CACNA1C: variants seen among roughly 807,000 people sequenced by gnomAD.
CACNA1C encodes the protein calcium voltage-gated channel subunit alpha1 C, also known as voltage-dependent L-type calcium channel subunit alpha-1C.
In CACNA1C, 30 loss-of-function variants were observed where a neutral mutation model predicts 229.0. The observed-to-expected ratio is 0.13, with a 90% CI of 0.10 to 0.18. CACNA1C has a LOEUF of 0.18. CACNA1C is among the 10% of genes least tolerant of loss of function. The probability of loss-of-function intolerance (pLI) is 1.00; values close to 1 mark genes in which losing one functional copy is unlikely to be tolerated. For missense variants in CACNA1C, 1,658 were observed against 2,845.0 expected, an observed-to-expected ratio of 0.58 and a Z score of 9.49; for synonymous variants, 1,114 against 1,132.5, an observed-to-expected ratio of 0.98 and a Z score of 0.33.
chr12:2,611,277 C>T (rs1403844642), intron 28 of CACNA1C, among the ~76,000 whole-genome samples: 6 of 125,770 alleles, frequency 4.8e-5, no homozygotes, highest in Non-Finnish European at 4.8e-5. Context: ...TGGATGCGTT[C>T]ATTTTTGGTT....
At chr12:2,299,399 C>T (rs992326699) in intron 3 of CACNA1C, among the ~76,000 whole-genome samples, 2 of 152,134 alleles carry the variant, frequency 1.3e-5, no homozygotes, top group African/African-American at 2.4e-5. Context: ...GGAGGGCTGG[C>T]GTGCTGCCCA....
chr12:2,262,318 T>C (rs1330196624), intron 3 of CACNA1C, among the ~76,000 whole-genome samples: 1 of 152,236 alleles, frequency 6.6e-6, no homozygotes, highest in Non-Finnish European at 1.5e-5. Flanking sequence ...AGCTGCTGTG[T>C]TGGCATGTAA....
intron 3 of CACNA1C, among the ~76,000 whole-genome samples, chr12:2,321,525 C>T (rs943354525): frequency 2.6e-5 from 4 of 152,100 alleles, no homozygotes; most frequent in African/African-American, 4.8e-5. Context: ...GGATGAATGA[C>T]TCTAGGCTCT....
chr12:2,530,862 A>G (rs1158567051), intron 9 of CACNA1C, among the ~76,000 whole-genome samples: 1 of 152,220 alleles, frequency 6.6e-6, no homozygotes, highest in Non-Finnish European at 1.5e-5. Flanking sequence ...CCCAGAGGGA[A>G]CACGGCTAAC....
chr12:1,993,424 T>C lies in CACNA1C; in HGVS notation c.139+22223T>C, dbSNP rs772004125. The C allele has an allele frequency of 2.2e-5, 36 of 1,600,306 alleles. No homozygotes were observed. The East Asian group carries it at 6.3e-4, about 28-fold the overall frequency. ...TCACAAGGAGTCAGGGGGAAATCAA[T>C]AGACAAATTGCTTAGTATGCTATAT... is the stretch of plus-strand genomic sequence containing the variant. On this transcript the variant is annotated intron_variant, in intron 1 of 46. Coordinates refer to the CACNA1C transcript ENST00000682462.
At chr12:2,028,472 A>G (rs2047691271) in intron 1 of CACNA1C, among the ~76,000 whole-genome samples, 1 of 152,246 alleles carries the variant, frequency 6.6e-6, no homozygotes, top group African/African-American at 2.4e-5. Context: ...AGATGGATCT[A>G]GAATACAGAT....
intron 3 of CACNA1C, among the ~76,000 whole-genome samples, chr12:2,211,465 T>C (rs1348646301): frequency 6.6e-6 from 1 of 152,250 alleles, no homozygotes; most frequent in Non-Finnish European, 1.5e-5. Flanking sequence ...TGGATAGCTG[T>C]TGCTGCTGTA....
intron 3 of CACNA1C, among the ~76,000 whole-genome samples, chr12:2,194,591 C>T (rs2097347334): frequency 6.6e-6 from 1 of 152,110 alleles, no homozygotes; most frequent in Non-Finnish European, 1.5e-5. Flanking sequence ...TCCTTCCTTC[C>T]CCCTTCCTGC....
intron 29 of CACNA1C, among the ~76,000 whole-genome samples, chr12:2,621,837 G>A (rs1057066980): frequency 2.0e-5 from 3 of 152,192 alleles, no homozygotes; most frequent in Non-Finnish European, 4.4e-5. Flanking sequence ...AAGTGAGAAT[G>A]TGGGGATATA....
chr12:2,663,255 C>T (rs188886745), intron 34 of CACNA1C, among the ~76,000 whole-genome samples: 36 of 152,212 alleles, frequency 2.4e-4, no homozygotes, highest in Admixed American at 3.3e-4. Context: ...AGAATAGACA[C>T]GAAACCACCA....
At chr12:2,128,707 G>A (rs1005081747) in intron 3 of CACNA1C, among the ~76,000 whole-genome samples, 4 of 152,148 alleles carry the variant, frequency 2.6e-5, no homozygotes, top group South Asian at 2.1e-4. Context: ...CACTGCGCCC[G>A]GCCAGGTAAA....
chr12:2,638,731 G>A (rs1283710808), intron 30 of CACNA1C, among the ~76,000 whole-genome samples: 2 of 152,224 alleles, frequency 1.3e-5, no homozygotes, highest in Non-Finnish European at 2.9e-5. Context: ...GGGGGCAGGA[G>A]GAGAATTGCC....
At chr12:2,547,460 G>A (rs371023846) in intron 9 of CACNA1C, 34 of 779,566 alleles carry the variant, frequency 4.4e-5, no homozygotes, top group African/African-American at 1.9e-4. Context: ...GAGGCACTCC[G>A]GCGGGCATGC....
chr12:2,186,986 A>AC (rs1304516041), intron 3 of CACNA1C, among the ~76,000 whole-genome samples: 2 of 147,052 alleles, frequency 1.4e-5, no homozygotes, highest in Non-Finnish European at 2.9e-5. Context: ...CTGTGAGCAC[A>AC]CCCGACCCCT....
At chr12:2,432,971 G>T (rs1335232706) in intron 3 of CACNA1C, among the ~76,000 whole-genome samples, 2 of 152,178 alleles carry the variant, frequency 1.3e-5, no homozygotes, top group South Asian at 2.1e-4. Flanking sequence ...TCTTCCTTTA[G>T]AGACTAACCC....
intron 3 of CACNA1C, among the ~76,000 whole-genome samples, chr12:2,360,789 A>AGTC (rs111371465): frequency 0.14 from 21,241 of 152,200 alleles, 2,822 homozygotes; most frequent in African/African-American, 0.35. Flanking sequence ...AAGAGTATAA[A>AGTC]GTAGATTCAG....
At chr12:2,384,632 C>A (rs1436787319) in intron 3 of CACNA1C, among the ~76,000 whole-genome samples, 2 of 152,160 alleles carry the variant, frequency 1.3e-5, no homozygotes, top group African/African-American at 4.8e-5. Context: ...CTTCTCTGAG[C>A]AGCAACAGTG....
chr12:2,453,229 C>T (rs1357794295), intron 4 of CACNA1C, among the ~76,000 whole-genome samples: 3 of 152,124 alleles, frequency 2.0e-5, no homozygotes, highest in Admixed American at 6.5e-5. Flanking sequence ...CTAGACCAAT[C>T]CCCTCATCGC....
chr12:2,223,868 A>C (rs1391213933), intron 3 of CACNA1C, among the ~76,000 whole-genome samples: 1 of 152,206 alleles, frequency 6.6e-6, no homozygotes, highest in East Asian at 1.9e-4. Context: ...GAGCTCAATA[A>C]ATAATTATTG....
Sources: gnomAD v4.1 joint callset for allele counts (sites outside exome capture counted in the v4.1 genomes callset) on GRCh38, gnomAD v4.1.1 for gene constraint, MANE v1.5 for transcripts, NCBI Gene and HGNC (gene_info 2026-07-23, HGNC 2026-07-21) for gene names.